The following SNTG1 variants were observed in gnomAD, a reference collection of about 807,000 sequenced individuals.
The protein encoded by SNTG1 is gamma-1-syntrophin.
A neutral mutation model predicts 74.7 loss-of-function variants in SNTG1; 39 were observed. The observed-to-expected ratio is 0.52, with a 90% CI of 0.40 to 0.68. The LOEUF is 0.68. Among genes scored for constraint, SNTG1 ranks in the 30% least tolerant of loss-of-function variants. SNTG1 has a pLI of 0.00. For missense variants in SNTG1, 685 were observed against 609.5 expected (o/e 1.12, Z -1.30); for synonymous variants, 254 against 217.1 (o/e 1.17, Z -1.49).
chr8:50,780,736 C>A (rs1055217230), intron 18 of SNTG1, among the ~76,000 whole-genome samples: 1 of 151,964 alleles, frequency 6.6e-6, no homozygotes, highest in Non-Finnish European at 1.5e-5. Flanking sequence ...TATTTCTTGC[C>A]TTCTGCTATC....
intron 1 of SNTG1, among the ~76,000 whole-genome samples, chr8:50,028,559 T>C (rs1817470746): frequency 6.6e-6 from 1 of 150,766 alleles, no homozygotes. Flanking sequence ...GAATGCACCG[T>C]TTTACTCCTC....
At chr8:50,321,513 G>A (rs1343207246) in intron 2 of SNTG1, among the ~76,000 whole-genome samples, 2 of 152,058 alleles carry the variant, frequency 1.3e-5, no homozygotes, top group African/African-American at 4.8e-5. Flanking sequence ...TGACTGGAGA[G>A]TTTAGTCCAT....
In SNTG1 at chr8:50,694,831, A is replaced by G. The variant is rs150561941; in HGVS notation, c.1039-9769A>G. Among the ~76,000 whole-genome samples, 19 of 152,044 alleles carry G rather than the reference A, an allele frequency of 1.2e-4. No homozygotes were observed. In the East Asian group the frequency reaches 3.7e-3, roughly 29 times the overall value. On this transcript the variant is annotated intron_variant, in intron 15 of 18. Transcript: ENST00000642720. ...ATTAATGAAATGAAGGACAAATATC[A>G]TATAATTATTTTATAAAACACAAAG...
Position 50,795,952 on chromosome 8 carries a change from G to A in SNTG1, c.*3123G>A, listed in dbSNP as rs967042611. ...ACCAACTTATAATTTTGAAATCTTC[G>A]CTCATAAAGCTGTCATTCAGCAAGA... On this transcript the variant is annotated 3_prime_UTR_variant, in exon 19 of 19. Coordinates refer to ENST00000642720, the MANE Select transcript of SNTG1 (RefSeq NM_018967.5). 8 of 151,854 alleles carry A rather than the reference G, an allele frequency of 5.3e-5. No individual in the cohort carries two copies. Among genetic ancestry groups the A allele is most frequent in the Non-Finnish European group, 7.4e-5 (5 of 67,924 alleles). 9.4% of individuals were successfully genotyped at this position (151,854 alleles called of 1,614,324 possible).
intron 9 of SNTG1, among the ~76,000 whole-genome samples, chr8:50,517,017 A>C (rs976651199): frequency 6.6e-6 from 1 of 152,220 alleles, no homozygotes; most frequent in African/African-American, 2.4e-5. Flanking sequence ...GTTGAAATGA[A>C]GGAAAAAATG....
intron 2 of SNTG1, among the ~76,000 whole-genome samples, chr8:50,321,849 G>A (rs1457406728): frequency 2.6e-5 from 4 of 151,892 alleles, no homozygotes; most frequent in African/African-American, 9.7e-5. Context: ...CAATTTTTAA[G>A]TTTTTGTTGT....
chr8:50,143,829 G>C (rs1455502919), intron 1 of SNTG1, among the ~76,000 whole-genome samples: 1 of 152,148 alleles, frequency 6.6e-6, no homozygotes, highest in Non-Finnish European at 1.5e-5. Flanking sequence ...TATTAAGACT[G>C]ACTTCCTAGG....
chr8:50,513,692 G>A (rs150519317), intron 9 of SNTG1, among the ~76,000 whole-genome samples: 3,714 of 152,304 alleles, frequency 0.024, 140 homozygotes, highest in African/African-American at 0.081. Context: ...GTGAGGCTCC[G>A]TGGGCATAAG....
chr8:50,390,393 A>C (rs543218509), intron 2 of SNTG1, among the ~76,000 whole-genome samples: 1 of 152,110 alleles, frequency 6.6e-6, no homozygotes, highest in African/African-American at 2.4e-5. Flanking sequence ...GTGTGGTATT[A>C]TTTCTGAGGG....
At chr8:50,344,494 A>G (rs2091415212) in intron 2 of SNTG1, among the ~76,000 whole-genome samples, 1 of 152,166 alleles carries the variant, frequency 6.6e-6, no homozygotes, top group Non-Finnish European at 1.5e-5. Flanking sequence ...AATAAACTCC[A>G]TGTCTTGATG....
intron 2 of SNTG1, among the ~76,000 whole-genome samples, chr8:50,253,859 A>C (rs1035817781): frequency 2.0e-5 from 3 of 151,768 alleles, no homozygotes; most frequent in African/African-American, 7.3e-5. Flanking sequence ...ATCTAAAAAA[A>C]AAAAAAGTTC....
chr8:50,415,155 A>AT (rs1278859378), intron 4 of SNTG1, among the ~76,000 whole-genome samples: 8 of 152,206 alleles, frequency 5.3e-5, no homozygotes, highest in Non-Finnish European at 1.0e-4. Flanking sequence ...GAGTGAACAA[A>AT]TGTTGTTTAA....
At chr8:50,295,015 T>C (rs2130601748) in intron 2 of SNTG1, among the ~76,000 whole-genome samples, 1 of 152,190 alleles carries the variant, frequency 6.6e-6, no homozygotes, top group African/African-American at 2.4e-5. Context: ...ATCAGTTAGG[T>C]AAGTAGAATA....
chr8:50,027,450 G>T (rs1350473754), intron 1 of SNTG1, among the ~76,000 whole-genome samples: 3 of 152,140 alleles, frequency 2.0e-5, no homozygotes, highest in Non-Finnish European at 4.4e-5. Flanking sequence ...TGGGTAAAGG[G>T]TCTTTGTAGA....
At chr8:50,786,025 G>A (rs994393412) in intron 18 of SNTG1, among the ~76,000 whole-genome samples, 8 of 151,922 alleles carry the variant, frequency 5.3e-5, no homozygotes, top group South Asian at 2.1e-4. Context: ...CTACAATTAA[G>A]AATAAGAAAA....
intron 1 of SNTG1, among the ~76,000 whole-genome samples, chr8:50,154,406 G>A (rs1018770771): frequency 3.3e-5 from 5 of 151,964 alleles, no homozygotes; most frequent in Admixed American, 6.6e-5. Flanking sequence ...ACCCTGCTTC[G>A]GCTCACACTC....
intron 1 of SNTG1, among the ~76,000 whole-genome samples, chr8:50,038,313 T>A (rs1220901541): frequency 6.6e-6 from 1 of 152,150 alleles, no homozygotes; most frequent in Non-Finnish European, 1.5e-5. Flanking sequence ...TCCTCCAAGT[T>A]TCTGGTTCTG....
At chr8:50,076,019 TAA>T (rs1278453509) in intron 1 of SNTG1, among the ~76,000 whole-genome samples, 3 of 152,138 alleles carry the variant, frequency 2.0e-5, no homozygotes, top group African/African-American at 7.2e-5. Context: ...AGACACAACA[TAA>T]CAGATCATAC....
intron 15 of SNTG1, among the ~76,000 whole-genome samples, chr8:50,665,408 T>TTGTG (rs144086828): frequency 6.7e-5 from 10 of 148,926 alleles, no homozygotes; most frequent in Non-Finnish European, 1.2e-4. Flanking sequence ...TAGTGTGTGT[T>TTGTG]TGTGTGTGTG....
Sources: gnomAD v4.1 joint callset for allele counts (sites outside exome capture counted in the v4.1 genomes callset) on GRCh38, gnomAD v4.1.1 for gene constraint, MANE v1.5 for transcripts, NCBI Gene and HGNC (gene_info 2026-07-23, HGNC 2026-07-21) for gene names.